ITGAM: variants seen among roughly 807,000 people sequenced by gnomAD.
ITGAM encodes integrin subunit alpha M.
Under a neutral mutation model 137.5 loss-of-function variants are expected in ITGAM, and 79 were observed. That is an observed-to-expected ratio of 0.57 (90% CI 0.48 to 0.69). The LOEUF (loss-of-function observed/expected upper bound fraction) is 0.69. Ranked by LOEUF, ITGAM falls within the 30% of genes least tolerant of loss-of-function variation. The pLI, the probability that ITGAM is intolerant of heterozygous loss-of-function variation, is 0.00. For missense variants in ITGAM, 1,343 were observed against 1,483.5 expected, an observed-to-expected ratio of 0.91 and a Z score of 1.56; for synonymous variants, 583 against 592.3, an observed-to-expected ratio of 0.98 and a Z score of 0.23.
chr16:31,328,922 A>G (rs1056844220), intron 23 of ITGAM: 37 of 478,514 alleles, frequency 7.7e-5, no homozygotes, highest in Non-Finnish European at 1.2e-4. Flanking sequence ...CTGAGGATCT[A>G]TGTGCATGTA....
intron 6 of ITGAM, among the ~76,000 whole-genome samples, 185 bp downstream of exon 6, chr16:31,271,269 T>A (rs1056520477): frequency 6.6e-6 from 1 of 152,222 alleles, no homozygotes; most frequent in Admixed American, 6.5e-5. Flanking sequence ...TTTCAGCCTT[T>A]TATAAAGCGG....
chr16:31,276,819 G>T, intron 10 of ITGAM, 75 bp downstream of exon 10: 1 of 1,571,942 alleles, frequency 6.4e-7, no homozygotes, highest in Non-Finnish European at 8.7e-7. Context: ...GTGGGGGTTT[G>T]GGGACTCTTC....
chr16:31,275,744 C>G (rs1203284289), intron 9 of ITGAM, 45 bp downstream of exon 9: 7 of 1,605,942 alleles, frequency 4.4e-6, no homozygotes, highest in Admixed American at 1.7e-5. Flanking sequence ...AGAGGCAGCC[C>G]CCCACCCCAG....
chr16:31,313,140 C>A (rs2080353451), intron 14 of ITGAM, among the ~76,000 whole-genome samples: 2 of 152,208 alleles, frequency 1.3e-5, no homozygotes, highest in African/African-American at 4.8e-5. Context: ...ATTGCTTGAA[C>A]CCAGGAGGCG....
chr16:31,288,982 C>G (rs1406646934), intron 12 of ITGAM, among the ~76,000 whole-genome samples: 1 of 152,192 alleles, frequency 6.6e-6, no homozygotes, highest in Non-Finnish European at 1.5e-5. Flanking sequence ...GACATTTATG[C>G]AGCCAACAGA....
rs772302778 is a variant in ITGAM, at chr16:31,277,683, G to A, written c.1214-284G>A. The stretch of plus-strand genomic sequence containing the variant: ...TTTTTTTGTATTTTCAGTAGAGACC[G>A]GGTTTCACCATGTTGGCCAGGCTCG... On this transcript the variant is annotated intron_variant, in intron 11 of 29. Transcript: ENST00000544665. 7.9e-5 allele frequency among the ~76,000 whole-genome samples: 12 copies of A among 152,052 alleles called. No individual in the cohort carries two copies. The East Asian group carries it at 1.5e-3, about 20-fold the overall frequency.
intron 22 of ITGAM, 63 bp downstream of exon 22, chr16:31,326,998 T>C (rs756352148): frequency 2.6e-5 from 32 of 1,251,008 alleles, no homozygotes; most frequent in South Asian, 2.5e-4. Context: ...CCCTGGCCCA[T>C]GGTGGGCCTT....
At chr16:31,311,435 C>CAA (rs1292282666) in intron 14 of ITGAM, among the ~76,000 whole-genome samples, 2 of 151,994 alleles carry the variant, frequency 1.3e-5, no homozygotes, top group African/African-American at 4.8e-5. Flanking sequence ...AACAAATTTA[C>CAA]AAGAAAAAAA....
intron 14 of ITGAM, among the ~76,000 whole-genome samples, chr16:31,300,739 C>T (rs1177937618): frequency 6.6e-6 from 1 of 152,110 alleles, no homozygotes; most frequent in Non-Finnish European, 1.5e-5. Context: ...GGTAAAACTT[C>T]ATCTCTACTA....
At chr16:31,328,497 T>A (rs2080533385) in intron 23 of ITGAM, among the ~76,000 whole-genome samples, 1 of 151,546 alleles carries the variant, frequency 6.6e-6, no homozygotes, top group South Asian at 2.1e-4. Context: ...CGTGTATTTG[T>A]GGATGTGAGT....
chr16:31,286,409 G>C (rs899609673), intron 12 of ITGAM, among the ~76,000 whole-genome samples: 3 of 152,102 alleles, frequency 2.0e-5, no homozygotes, highest in Non-Finnish European at 2.9e-5. Flanking sequence ...TATATTCTTT[G>C]AGAAATCTTC....
At chr16:31,306,459 C>G (rs772429886) in intron 14 of ITGAM, among the ~76,000 whole-genome samples, 1 of 151,592 alleles carries the variant, frequency 6.6e-6, no homozygotes, top group Non-Finnish European at 1.5e-5. Context: ...ACATATAACA[C>G]TCAAACCTTC....
intron 1 of ITGAM, among the ~76,000 whole-genome samples, chr16:31,260,970 T>G (rs2079691988): frequency 6.6e-6 from 1 of 152,246 alleles, no homozygotes; most frequent in Non-Finnish European, 1.5e-5. Context: ...GACAAATTTG[T>G]GGAAAAGTAT....
At chr16:31,327,007 T>A in intron 22 of ITGAM, 72 bp downstream of exon 22, 2 of 1,077,276 alleles carry the variant, frequency 1.9e-6, no homozygotes, top group Non-Finnish European at 2.9e-6. Context: ...ATGGTGGGCC[T>A]TTGCCCTTTG....
chr16:31,262,849 T>C (rs2079720917), intron 2 of ITGAM, among the ~76,000 whole-genome samples: 1 of 152,250 alleles, frequency 6.6e-6, no homozygotes, highest in African/African-American at 2.4e-5. Context: ...TGGTCTCTGC[T>C]CTTTGCTTTA....
Position 31,275,656 on chromosome 16 carries a change from G to A in ITGAM, c.966G>A (p.Lys322=). 6.2e-7 allele frequency: 1 copy of A among 1,613,896 alleles called. No homozygotes were observed. The highest frequency in any genetic ancestry group is 1.1e-5 in the South Asian group (1 of 91,080). Residue 322 remains lysine (K), a synonymous_variant, in exon 9 of 30, where the codon AAG becomes AAA. Transcript: ENST00000544665. ...VFQVNNFEAL[K]TIQNQLREKI... ...AGGTGAATAACTTTGAGGCTCTGAA[G>A]ACCATTCAGAACCAGCTTCGGGAGA... is the stretch of plus-strand genomic sequence containing the variant.
chr16:31,270,160 TTCCTTTC>T (rs140997997), intron 5 of ITGAM, among the ~76,000 whole-genome samples: 69,808 of 139,998 alleles, frequency 0.5, 17,862 homozygotes, highest in East Asian at 0.7. Flanking sequence ...TTCCTTTCCT[TTCCTTTC>T]CTTTCCTTTC....
Position 31,331,909 on chromosome 16 carries a change from G to A in ITGAM, c.*202G>A, listed in dbSNP as rs1224200201. On this transcript the variant is annotated 3_prime_UTR_variant, in exon 30 of 30. Coordinates refer to ENST00000544665, the MANE Select transcript of ITGAM (RefSeq NM_000632.4). ...AGTGTGTGCACATGTGTGCGTGTGC[G>A]TGCATGTGCACTTGCACGCCCATGT... The A allele has an allele frequency of 7.0e-6, 4 of 568,444 alleles. No homozygotes were observed. The highest frequency in any genetic ancestry group is 6.9e-5 in the Admixed American group (2 of 28,958). The allele number at this position is 568,444 out of a possible 1,614,324, so 35.2% of individuals were successfully genotyped here.
intron 12 of ITGAM, among the ~76,000 whole-genome samples, chr16:31,281,847 G>A (rs541686505): frequency 4.9e-4 from 75 of 152,166 alleles, no homozygotes; most frequent in Middle Eastern, 3.4e-3. Context: ...GCTTTCTCTT[G>A]TGGGCATTTA....
Sources: gnomAD v4.1 joint callset for allele counts (sites outside exome capture counted in the v4.1 genomes callset) on GRCh38, gnomAD v4.1.1 for gene constraint, MANE v1.5 for transcripts, NCBI Gene and HGNC (gene_info 2026-07-23, HGNC 2026-07-21) for gene names.